Variants in ST8SIA1 observed in about 807,000 individuals in gnomAD.
ST8SIA1 encodes ST8 alpha-N-acetyl-neuraminide alpha-2,8-sialyltransferase 1, also known as alpha-N-acetylneuraminide alpha-2,8-sialyltransferase.
A neutral mutation model predicts 35.9 loss-of-function variants in ST8SIA1; 16 were observed. The ratio of observed to expected loss-of-function variants is 0.45; its 90% CI spans 0.30 to 0.68. The LOEUF (loss-of-function observed/expected upper bound fraction) is 0.68. ST8SIA1 is among the 30% of genes least tolerant of loss of function. The pLI, the probability that ST8SIA1 is intolerant of heterozygous loss-of-function variation, is 0.09. For synonymous variants in ST8SIA1, 170 were observed against 169.6 expected (o/e 1.00, Z -0.02); for missense variants, 383 against 453.6 (o/e 0.84, Z 1.41).
intron 1 of ST8SIA1, among the ~76,000 whole-genome samples, chr12:22,298,514 T>C (rs558271032): frequency 4.0e-4 from 61 of 152,320 alleles, no homozygotes; most frequent in African/African-American, 1.4e-3. Flanking sequence ...GAAGTCTGTG[T>C]TGATTGTTGT....
intron 1 of ST8SIA1, among the ~76,000 whole-genome samples, chr12:22,289,672 A>G (rs746401752): frequency 3.3e-5 from 5 of 152,170 alleles, no homozygotes; most frequent in Admixed American, 6.5e-5. Context: ...TGTACCTCAC[A>G]TCAGGTACTT....
At chr12:22,317,463 G>C (rs1239781075) in intron 1 of ST8SIA1, among the ~76,000 whole-genome samples, 1 of 152,208 alleles carries the variant, frequency 6.6e-6, no homozygotes, top group African/African-American at 2.4e-5. Flanking sequence ...CAAGCTGTCT[G>C]CTGGGGCTGC....
intron 2 of ST8SIA1, among the ~76,000 whole-genome samples, chr12:22,266,560 A>G (rs1199960171): frequency 6.6e-6 from 1 of 151,888 alleles, no homozygotes; most frequent in African/African-American, 2.4e-5. Context: ...AGAACTTCAG[A>G]AGGCTATGGC....
At chr12:22,241,650 T>C (rs974872040) in intron 4 of ST8SIA1, among the ~76,000 whole-genome samples, 5 of 141,840 alleles carry the variant, frequency 3.5e-5, no homozygotes, top group Non-Finnish European at 7.5e-5. Context: ...TCACCCAGGC[T>C]GGAGTGCAGT....
rs73264090 is a variant in ST8SIA1, at chr12:22,197,281, T to G, written c.*4271A>C. The G allele has an allele frequency of 3.1e-4, 47 of 152,344 alleles. No individual in the cohort carries two copies. Among genetic ancestry groups the G allele is most frequent in the African/African-American group, 1.1e-3 (47 of 41,578 alleles). 9.4% of individuals were successfully genotyped at this position (152,344 alleles called of 1,614,324 possible). On this transcript the variant is annotated 3_prime_UTR_variant, in exon 5 of 5. Transcript: ENST00000396037. Reference sequence around the variant, plus strand: ...TTGCGTCAAGTTCACATAAACGTCCTTACAGCTTTTGATCTTTGGAATTCT... The same window carrying G: ...TTGCGTCAAGTTCACATAAACGTCCGTACAGCTTTTGATCTTTGGAATTCT...
intron 2 of ST8SIA1, among the ~76,000 whole-genome samples, chr12:22,286,852 A>G (rs34119935): frequency 0.15 from 23,541 of 152,134 alleles, 1,877 homozygotes; most frequent in Middle Eastern, 0.25. Flanking sequence ...AGCCAACCTC[A>G]GAACACTAGA....
intron 1 of ST8SIA1, among the ~76,000 whole-genome samples, chr12:22,303,846 C>CCCCACACA (rs762693973): frequency 1.4e-5 from 2 of 140,706 alleles, no homozygotes; most frequent in African/African-American, 2.7e-5. Flanking sequence ...CACCACCCTG[C>CCCCACACA]CACACACACA....
intron 2 of ST8SIA1, among the ~76,000 whole-genome samples, chr12:22,285,800 G>A (rs531852424): frequency 2.0e-5 from 3 of 146,948 alleles, no homozygotes; most frequent in East Asian, 2.0e-4. Flanking sequence ...AACCTGAAAG[G>A]TGGAGGTTGC....
At chr12:22,303,420 ACT>A (rs775384250) in intron 1 of ST8SIA1, among the ~76,000 whole-genome samples, 48 of 151,816 alleles carry the variant, frequency 3.2e-4, no homozygotes, top group Non-Finnish European at 5.6e-4. Flanking sequence ...TGATGTCTGA[ACT>A]CTCTTCCAAC....
chr12:22,249,374 A>G (rs985792772), intron 3 of ST8SIA1, among the ~76,000 whole-genome samples: 1 of 151,792 alleles, frequency 6.6e-6, no homozygotes, highest in Admixed American at 6.6e-5. Flanking sequence ...ACCTGCCACC[A>G]CACCCGGCTA....
At chr12:22,327,835 G>T (rs1591859878) in intron 1 of ST8SIA1, among the ~76,000 whole-genome samples, 2 of 151,960 alleles carry the variant, frequency 1.3e-5, no homozygotes, top group Non-Finnish European at 2.9e-5. Context: ...CCAACAACTT[G>T]AGCCCACAGA....
At chr12:22,240,037 A>G (rs1046992582) in intron 4 of ST8SIA1, among the ~76,000 whole-genome samples, 3 of 152,292 alleles carry the variant, frequency 2.0e-5, no homozygotes, top group East Asian at 1.9e-4. Context: ...GATGAGTACA[A>G]TAATGTATTA....
intron 1 of ST8SIA1, among the ~76,000 whole-genome samples, chr12:22,302,265 AT>A (rs1330780748): frequency 6.6e-6 from 1 of 151,934 alleles, no homozygotes; most frequent in Non-Finnish European, 1.5e-5. Context: ...AATTTTCCTA[AT>A]TTGAAATCAC....
chr12:22,332,072 T>C (rs1480294553), intron 1 of ST8SIA1, among the ~76,000 whole-genome samples: 1 of 152,210 alleles, frequency 6.6e-6, no homozygotes, highest in African/African-American at 2.4e-5. Context: ...AGTCACAGCA[T>C]ACTCAGTGTA....
At chr12:22,321,428 C>A (rs910977701) in intron 1 of ST8SIA1, among the ~76,000 whole-genome samples, 1 of 152,206 alleles carries the variant, frequency 6.6e-6, no homozygotes, top group Admixed American at 6.5e-5. Flanking sequence ...CTCCTCCCTG[C>A]CCAAACTGAA....
intron 4 of ST8SIA1, among the ~76,000 whole-genome samples, chr12:22,221,891 T>C (rs1865304219): frequency 6.6e-6 from 1 of 152,178 alleles, no homozygotes; most frequent in South Asian, 2.1e-4. Flanking sequence ...GAATTGCATA[T>C]GTTACATGTA....
Position 22,334,379 on chromosome 12 carries a change from C to A in ST8SIA1, c.-147G>T. ...AAACGCACGCACGCTTCTTCGGCCC[C>A]GTCGGCCCCAAAGGTCAGCGCAAGG... On this transcript the variant is annotated 5_prime_UTR_variant, in exon 1 of 5. Coordinates refer to ENST00000396037, the MANE Select transcript of ST8SIA1 (RefSeq NM_003034.4). 1.6e-6 allele frequency: 1 copy of A among 631,562 alleles called. No homozygotes were observed. Among genetic ancestry groups the A allele is most frequent in the Admixed American group, 2.9e-5 (1 of 34,076 alleles). The allele number at this position is 631,562 out of a possible 1,614,324, so 39.1% of individuals were successfully genotyped here. A position where few individuals can be genotyped will look rare whatever the true frequency, so the allele number is the denominator to read the frequency against.
chr12:22,241,598 ATTTTT>A (rs71053392), intron 4 of ST8SIA1, among the ~76,000 whole-genome samples: 4 of 104,346 alleles, frequency 3.8e-5, no homozygotes, highest in Middle Eastern at 4.8e-3. Context: ...AGACTCCGGT[ATTTTT>A]TTTTTTTTTT....
intron 2 of ST8SIA1, among the ~76,000 whole-genome samples, chr12:22,269,285 G>C (rs1002506901): frequency 6.6e-6 from 1 of 152,028 alleles, no homozygotes; most frequent in Non-Finnish European, 1.5e-5. Context: ...AAAAATTCAG[G>C]ATTCTAACTG....
Sources: gnomAD v4.1 joint callset for allele counts (sites outside exome capture counted in the v4.1 genomes callset) on GRCh38, gnomAD v4.1.1 for gene constraint, MANE v1.5 for transcripts, NCBI Gene and HGNC (gene_info 2026-07-23, HGNC 2026-07-21) for gene names.